The following DNAH8 variants were observed in gnomAD, a reference collection of about 807,000 sequenced individuals.
The protein encoded by DNAH8 is dynein axonemal heavy chain 8, also known as axonemal beta dynein heavy chain 8.
A neutral mutation model predicts 562.1 loss-of-function variants in DNAH8; 382 were observed. The observed-to-expected ratio is 0.68, with a 90% CI of 0.63 to 0.74. DNAH8 has a LOEUF of 0.74. Ranked by LOEUF, DNAH8 falls within the 30% of genes least tolerant of loss-of-function variation. The probability of loss-of-function intolerance (pLI) is 0.00; values close to 1 mark genes in which losing one functional copy is unlikely to be tolerated. For missense variants in DNAH8, 5,203 were observed against 5,620.4 expected, an observed-to-expected ratio of 0.93 and a Z score of 2.37; for synonymous variants, 1,881 against 1,919.4, an observed-to-expected ratio of 0.98 and a Z score of 0.52.
rs769854103 is a variant in DNAH8, at chr6:38,864,025, G to T, written c.6463G>T (p.Asp2155Tyr). ...QFIFSDGDCV[D>Y]LNPEFGIFLT... ...CATTTTTTCTGATGGTGATTGTGTT[G>T]ATTTAAATCCAGAATTTGGAATCTT... Residue 2155 changes from aspartate (D) to tyrosine (Y), a missense_variant, in exon 45 of 93, where the codon GAT becomes TAT. This residue lies in a region of DNAH8 where 2,176 missense variants were observed against 2,365.1 expected (regional missense o/e 0.92). Coordinates refer to ENST00000327475, the MANE Select transcript of DNAH8 (RefSeq NM_001206927.2). 25 of 1,607,480 alleles carry T rather than the reference G, an allele frequency of 1.6e-5. No homozygotes were observed. Among genetic ancestry groups the T allele is most frequent in the Non-Finnish European group, 2.0e-5 (24 of 1,178,648 alleles).
chr6:38,744,826 G>A (rs1420612233), intron 8 of DNAH8, among the ~76,000 whole-genome samples: 2 of 152,092 alleles, frequency 1.3e-5, no homozygotes, highest in African/African-American at 4.8e-5. Context: ...TCAAACTCCT[G>A]GGCTCAAGGA....
Position 38,875,592 on chromosome 6 carries a change from C to G in DNAH8, c.7622C>G (p.Ser2541Cys), listed in dbSNP as rs747339640. 4 of 1,512,408 alleles carry G rather than the reference C, an allele frequency of 2.6e-6. No individual in the cohort carries two copies. Among genetic ancestry groups the G allele is most frequent in the Admixed American group, 2.0e-5 (1 of 51,062 alleles). The allele number at this position is 1,512,408 out of a possible 1,614,324, so 93.7% of individuals were successfully genotyped here. A position where few individuals can be genotyped will look rare whatever the true frequency, so the allele number is the denominator to read the frequency against. ...TTATTTTATTTGAAACATTTTCAGT[C>G]TCTCAATCTTCTGGAAGGGTTAATT... The part of the protein sequence containing the change: ...QLLECNYIVQ[S>C]LNLLEGLIPS... The change falls in exon 53 of 93, where the codon TCT becomes TGT. Residue 2541 changes from serine to cysteine, a missense_variant and splice_region_variant. Coordinates refer to ENST00000327475, the MANE Select transcript of DNAH8 (RefSeq NM_001206927.2).
At position 38,826,334 on chromosome 6, in the gene DNAH8, C is replaced by T; in HGVS notation, c.4026C>T (p.Ala1342=). The part of the protein sequence containing the change: ...DLDDVRFAME[A]LSCIRDNEIQ... Reference sequence around the variant, plus strand: ...ATGATGTCAGATTTGCAATGGAAGCCTTGTCTTGCATACGTGATAATGAAA... The same window carrying T: ...ATGATGTCAGATTTGCAATGGAAGCTTTGTCTTGCATACGTGATAATGAAA... The change falls in exon 29 of 93, where the codon GCC becomes GCT. Residue 1342 remains alanine (A), a synonymous_variant. Coordinates refer to ENST00000327475, the MANE Select transcript of DNAH8 (RefSeq NM_001206927.2). 1 of 1,613,212 alleles carries T rather than the reference C, an allele frequency of 6.2e-7. No homozygotes were observed. The highest frequency in any genetic ancestry group is 8.5e-7 in the Non-Finnish European group (1 of 1,179,602).
chr6:38,774,357 A>C (rs1767863085), intron 12 of DNAH8, among the ~76,000 whole-genome samples: 1 of 152,084 alleles, frequency 6.6e-6, no homozygotes, highest in Non-Finnish European at 1.5e-5. Flanking sequence ...GAAAGGGTGC[A>C]AGGTTGGTGA....
At chr6:38,742,800 C>G (rs1273132812) in intron 8 of DNAH8, among the ~76,000 whole-genome samples, 1 of 151,950 alleles carries the variant, frequency 6.6e-6, no homozygotes, top group Non-Finnish European at 1.5e-5. Flanking sequence ...ATTTTTTCCT[C>G]AACATCTTCT....
In DNAH8 at chr6:38,789,781, A is replaced by G. The variant is rs1016351627; in HGVS notation, c.2584-22A>G. On this transcript the variant is annotated intron_variant, in intron 18 of 92. Coordinates refer to ENST00000327475, the MANE Select transcript of DNAH8 (RefSeq NM_001206927.2). Reference sequence around the variant, plus strand: ...ACTTTAAAATGAATTAAAATAAAACATGCCATTTCAACTTCCTACAGGGTC... The same window carrying G: ...ACTTTAAAATGAATTAAAATAAAACGTGCCATTTCAACTTCCTACAGGGTC... 6 of 1,533,482 alleles carry G rather than the reference A, an allele frequency of 3.9e-6. No homozygotes were observed. In the Admixed American group the frequency reaches 7.5e-5, roughly 19 times the overall value. 95.0% of individuals were successfully genotyped at this position (1,533,482 alleles called of 1,614,324 possible).
At chr6:38,909,432 C>A in intron 64 of DNAH8, 86 bp from the exon 65 acceptor site, 3 of 1,215,636 alleles carry the variant, frequency 2.5e-6, no homozygotes, top group Non-Finnish European at 3.6e-6. Flanking sequence ...TGATGTCACA[C>A]TCTTGGGTCA....
chr6:38,794,156 C>T (rs1313670881), intron 21 of DNAH8, among the ~76,000 whole-genome samples: 1 of 152,174 alleles, frequency 6.6e-6, no homozygotes, highest in East Asian at 1.9e-4. Flanking sequence ...TTGCTCCCCG[C>T]CAGCCCAGAG....
Position 38,890,731 on chromosome 6 carries a change from A to G in DNAH8, c.8553A>G (p.Ser2851=). 1 of 1,613,666 alleles carries G rather than the reference A, an allele frequency of 6.2e-7. No individual in the cohort carries two copies. Among genetic ancestry groups the G allele is most frequent in the Non-Finnish European group, 8.5e-7 (1 of 1,179,566 alleles). The change falls in exon 58 of 93, where the codon TCA becomes TCG. Residue 2851 remains serine, a synonymous_variant. Transcript: ENST00000327475. ...GTGAGATGATTGTGAATTTAGTCTC[A>G]GTGGGTAGAGTGCTGTGGCAATGGA... ...QICEMIVNLV[S]VGRVLWQWTK... is the part of the protein sequence containing the mutation.
intron 85 of DNAH8, among the ~76,000 whole-genome samples, chr6:38,980,665 C>T (rs575886857): frequency 6.9e-4 from 105 of 152,214 alleles, no homozygotes; most frequent in African/African-American, 2.3e-3. Context: ...TGTCACATAG[C>T]GCAAATCTCT....
chr6:38,988,775 C>T (rs569014337), intron 87 of DNAH8, among the ~76,000 whole-genome samples: 1 of 152,340 alleles, frequency 6.6e-6, no homozygotes, highest in South Asian at 2.1e-4. Flanking sequence ...TCAAACTCCT[C>T]TCCTTCAAGG....
chr6:38,755,942 T>C (rs1204247710), intron 9 of DNAH8, 30 bp from the exon 10 acceptor site: 4 of 1,204,340 alleles, frequency 3.3e-6, no homozygotes, highest in South Asian at 2.4e-5. Context: ...ATGCATATGA[T>C]GGAATTCACT....
At chr6:39,027,183 A>G (rs975579563) in intron 92 of DNAH8, among the ~76,000 whole-genome samples, 1 of 152,112 alleles carries the variant, frequency 6.6e-6, no homozygotes, top group African/African-American at 2.4e-5. Context: ...TGCAATAAGC[A>G]GTGATCACAC....
intron 11 of DNAH8, among the ~76,000 whole-genome samples, chr6:38,762,431 G>A (rs77751760): frequency 1.6e-4 from 24 of 152,196 alleles, no homozygotes; most frequent in Non-Finnish European, 3.1e-4. Context: ...CAACTTGGTC[G>A]TGGTGTAATT....
intron 30 of DNAH8, among the ~76,000 whole-genome samples, 195 bp downstream of exon 30, chr6:38,828,483 A>G (rs1038047448): frequency 4.6e-5 from 7 of 152,216 alleles, no homozygotes; most frequent in Non-Finnish European, 8.8e-5. Flanking sequence ...TTCTATATTT[A>G]GATACACAAA....
chr6:38,894,189 G>C (rs1779525707), intron 58 of DNAH8, among the ~76,000 whole-genome samples: 1 of 152,184 alleles, frequency 6.6e-6, no homozygotes, highest in African/African-American at 2.4e-5. Flanking sequence ...TCCAGGTTAT[G>C]ATATGCAGAT....
At chr6:39,018,589 CAT>C (rs1314066707) in intron 91 of DNAH8, among the ~76,000 whole-genome samples, 1 of 152,192 alleles carries the variant, frequency 6.6e-6, no homozygotes, top group Non-Finnish European at 1.5e-5. Flanking sequence ...GTAGGAATTT[CAT>C]CCTCCTGCAA....
At position 38,997,020 on chromosome 6, in the gene DNAH8, C is replaced by G. The variant is rs112394100; in HGVS notation, c.13214+6848C>G. Among the ~76,000 whole-genome samples the G allele has an allele frequency of 2.0e-3, 306 of 152,194 alleles. 1 individual carries two copies. The highest frequency in any genetic ancestry group is 6.9e-3 in the African/African-American group (288 of 41,566). ...GCAACTGGCAGGCCTGTAAGACCTT[C>G]GTCCTCCTCTGTTCTCTCTTCATCC... On this transcript the variant is annotated intron_variant, in intron 88 of 92. Transcript: ENST00000327475.
In DNAH8 at chr6:38,866,474, A is replaced by C. The variant is rs987516946; in HGVS notation, c.6499-117A>C. On this transcript the variant is annotated intron_variant, in intron 45 of 92. Coordinates refer to ENST00000327475, the MANE Select transcript of DNAH8 (RefSeq NM_001206927.2). ...TGTTTTGAGAAAACAAGAGTATTTTATGAATCTAATATTTTCAATACCATC... is the reference window on the plus strand; with the variant it reads ...TGTTTTGAGAAAACAAGAGTATTTTCTGAATCTAATATTTTCAATACCATC... 77 of 691,068 alleles carry C rather than the reference A, an allele frequency of 1.1e-4. 1 individual carries two copies. The highest frequency in any genetic ancestry group is 1.1e-3 in the African/African-American group (60 of 55,638). 42.8% of individuals were successfully genotyped at this position (691,068 alleles called of 1,614,324 possible).
Sources: allele counts gnomAD v4.1 joint callset (sites outside exome capture counted in the v4.1 genomes callset), GRCh38; gene constraint gnomAD v4.1.1; regional missense constraint gnomAD v4.1.1; transcripts MANE v1.5; gene names NCBI Gene and HGNC (gene_info 2026-07-23, HGNC 2026-07-21).